The following TTC7A variants were observed in gnomAD, a reference collection of about 807,000 sequenced individuals.
TTC7A encodes the protein tetratricopeptide repeat domain 7A.
A neutral mutation model predicts 103.7 loss-of-function variants in TTC7A; 110 were observed. The ratio of observed to expected loss-of-function variants is 1.06; its 90% confidence interval spans 0.91 to 1.24. TTC7A has a LOEUF of 1.24. Ranked by LOEUF, TTC7A falls within the 50% of genes most tolerant of loss-of-function variation. The pLI is 0.00. For missense variants in TTC7A, 1,340 were observed against 1,116.3 expected, an observed-to-expected ratio of 1.20 and a Z score of -2.86; for synonymous variants, 521 against 467.9, an observed-to-expected ratio of 1.11 and a Z score of -1.47.
chr2:46,916,471 A>C (rs533264815), exon 1 of TTC7A: 1 of 152,492 alleles, frequency 6.6e-6, no homozygotes, highest in East Asian at 1.9e-4. Flanking sequence ...ATTACTTAAA[A>C]ACAGACTCAT....
At chr2:47,005,776 C>A in intron 8 of TTC7A, 146 bp from the exon 9 acceptor site, 2 of 844,508 alleles carry the variant, frequency 2.4e-6, no homozygotes, top group Non-Finnish European at 3.7e-6. Context: ...AGGAAAAGGC[C>A]ATTTCTGGGA....
At position 47,029,361 on chromosome 2, in the gene TTC7A, C is replaced by G; in HGVS notation, c.1779C>G (p.Ile593Met). Reference sequence around the variant, plus strand: ...CCCTGGATGTTGTCAACATGGCCATCACCGAGCACCCTGAGAACTTCAAGT... The same window carrying G: ...CCCTGGATGTTGTCAACATGGCCATGACCGAGCACCCTGAGAACTTCAAGT... ...QHALDVVNMA[I>M]TEHPENFNLM... is the part of the protein sequence containing the mutation. Residue 593 changes from isoleucine (I) to methionine (M), a missense_variant, in exon 15 of 20, where the codon ATC becomes ATG. Transcript: ENST00000319190. 1 of 1,613,934 alleles carries G rather than the reference C, an allele frequency of 6.2e-7. No individual in the cohort carries two copies. The highest frequency in any genetic ancestry group is 1.1e-5 in the South Asian group (1 of 91,088).
At chr2:46,978,947 C>A in intron 5 of TTC7A, 40 bp downstream of exon 5, 1 of 1,473,480 alleles carries the variant, frequency 6.8e-7, no homozygotes, top group Non-Finnish European at 9.5e-7. Flanking sequence ...GAACGATTCC[C>A]CTGGGCTGAG....
chr2:46,929,981 A>G (rs372508414), intron 2 of TTC7A, among the ~76,000 whole-genome samples: 2 of 152,346 alleles, frequency 1.3e-5, no homozygotes, highest in South Asian at 2.1e-4. Context: ...GTGAAGAAAT[A>G]TGGAGAAAAG....
intron 5 of TTC7A, among the ~76,000 whole-genome samples, chr2:46,982,192 G>C (rs1018351556): frequency 2.6e-5 from 4 of 151,874 alleles, no homozygotes. Flanking sequence ...GGGCAACATA[G>C]GGAGACTTTG....
intron 15 of TTC7A, among the ~76,000 whole-genome samples, chr2:47,034,953 C>A (rs551352052): frequency 6.6e-6 from 1 of 152,208 alleles, no homozygotes; most frequent in African/African-American, 2.4e-5. Context: ...CCCAGGAAAC[C>A]TAGACTGTTT....
chr2:47,045,841 A>C (rs906793043), intron 15 of TTC7A, among the ~76,000 whole-genome samples: 2 of 152,246 alleles, frequency 1.3e-5, no homozygotes, highest in South Asian at 4.1e-4. Context: ...TCCTTGCTCT[A>C]CCTTCACTCA....
chr2:47,061,156 G>C (rs564022473), intron 19 of TTC7A, among the ~76,000 whole-genome samples, 185 bp downstream of exon 19: 26 of 152,310 alleles, frequency 1.7e-4, no homozygotes, highest in Admixed American at 1.2e-3. Context: ...GGGATACTTA[G>C]CCTTCTCTTG....
At chr2:47,041,858 C>T (rs536694604) in intron 15 of TTC7A, among the ~76,000 whole-genome samples, 2 of 152,044 alleles carry the variant, frequency 1.3e-5, no homozygotes, top group Admixed American at 1.3e-4. Context: ...GGCTTCCCTC[C>T]ACCCTTCTAG....
chr2:46,935,469 C>G (rs936018250), intron 2 of TTC7A, among the ~76,000 whole-genome samples: 4 of 152,330 alleles, frequency 2.6e-5, no homozygotes, highest in African/African-American at 9.6e-5. Context: ...TCCAACTTTG[C>G]CTTCCCTATT....
chr2:46,994,536 G>A (rs1675964791), intron 7 of TTC7A, 22 bp downstream of exon 7: 1 of 1,611,680 alleles, frequency 6.2e-7, no homozygotes, highest in Non-Finnish European at 8.5e-7. Flanking sequence ...CTGCCCTGCT[G>A]CACCTTGCCA....
intron 2 of TTC7A, among the ~76,000 whole-genome samples, chr2:46,930,685 A>T (rs1669652322): frequency 6.6e-6 from 1 of 152,088 alleles, no homozygotes; most frequent in Non-Finnish European, 1.5e-5. Context: ...TTTCTAGTAG[A>T]GACAGGGTTT....
At position 47,011,396 on chromosome 2, in the gene TTC7A, C is replaced by G. The variant is rs1395923878; in HGVS notation, c.1353C>G (p.Pro451=). 1 of 1,611,346 alleles carries G rather than the reference C, an allele frequency of 6.2e-7. No individual in the cohort carries two copies. The highest frequency in any genetic ancestry group is 2.2e-5 in the East Asian group (1 of 44,876). The change falls in exon 11 of 20, where the codon CCC becomes CCG. Residue 451 remains proline, a synonymous_variant. Coordinates refer to ENST00000319190, the MANE Select transcript of TTC7A (RefSeq NM_020458.4). ...VKLRPSDPTV[P]LMAAKVCIGS... Reference sequence around the variant, plus strand: ...TGCGGCCCTCGGACCCCACCGTGCCCCTGATGGCCGCGAAGGTCTGCATCG... The same window carrying G: ...TGCGGCCCTCGGACCCCACCGTGCCGCTGATGGCCGCGAAGGTCTGCATCG...
At chr2:47,041,230 G>A (rs1305904064) in intron 15 of TTC7A, among the ~76,000 whole-genome samples, 2 of 152,184 alleles carry the variant, frequency 1.3e-5, no homozygotes, top group African/African-American at 4.8e-5. Flanking sequence ...AGCTGTGGGA[G>A]TCCGGCCCAC....
intron 3 of TTC7A, among the ~76,000 whole-genome samples, chr2:46,963,772 G>T (rs917201031): frequency 1.3e-5 from 2 of 152,210 alleles, no homozygotes; most frequent in Non-Finnish European, 2.9e-5. Context: ...GTCTTCCTCA[G>T]CAGCTCCAGG....
At chr2:46,969,617 T>C (rs1673176672) in intron 3 of TTC7A, among the ~76,000 whole-genome samples, 1 of 152,088 alleles carries the variant, frequency 6.6e-6, no homozygotes, top group South Asian at 2.1e-4. Context: ...GGTTTCACCA[T>C]GCTGGCCAGG....
chr2:46,964,393 G>A (rs1419940760), intron 3 of TTC7A, among the ~76,000 whole-genome samples: 2 of 152,190 alleles, frequency 1.3e-5, no homozygotes, highest in African/African-American at 4.8e-5. Context: ...AGGGCCAGGT[G>A]GGCCCCATGA....
chr2:47,071,802 G>A (rs1299476565), intron 19 of TTC7A, among the ~76,000 whole-genome samples: 1 of 152,132 alleles, frequency 6.6e-6, no homozygotes, highest in Non-Finnish European at 1.5e-5. Flanking sequence ...CATACTTCTT[G>A]ATATCAGGGG....
chr2:46,974,851 CCT>C, intron 3 of TTC7A, 120 bp from the exon 4 acceptor site: 1 of 1,382,000 alleles, frequency 7.2e-7, no homozygotes, highest in East Asian at 2.6e-5. Flanking sequence ...CAGACCTCCG[CCT>C]CCTCCTGGCT....
Sources: allele counts gnomAD v4.1 joint callset (sites outside exome capture counted in the v4.1 genomes callset), GRCh38; gene constraint gnomAD v4.1.1; transcripts MANE v1.5; gene names NCBI Gene and HGNC (gene_info 2026-07-23, HGNC 2026-07-21).